The following ERBB4 variants were observed in gnomAD, a reference collection of about 807,000 sequenced individuals.
The protein encoded by ERBB4 is erb-b2 receptor tyrosine kinase 4.
In ERBB4, 42 loss-of-function variants were observed where a neutral mutation model predicts 158.0. The observed-to-expected ratio is 0.27, with a 90% confidence interval of 0.21 to 0.34. The LOEUF (loss-of-function observed/expected upper bound fraction) is 0.34, where lower values mean the gene tolerates loss of function less well. Ranked by LOEUF, ERBB4 falls within the 10% of genes least tolerant of loss-of-function variation. The pLI is 1.00. For synonymous variants in ERBB4, 583 were observed against 558.7 expected (o/e 1.04, Z -0.61); for missense variants, 1,333 against 1,624.1 (o/e 0.82, Z 3.08).
intron 2 of ERBB4, among the ~76,000 whole-genome samples, chr2:212,009,155 C>T (rs1210512084): frequency 6.6e-6 from 1 of 151,976 alleles, no homozygotes; most frequent in Non-Finnish European, 1.5e-5. Flanking sequence ...TGGTGTCCCC[C>T]AACCCCCCAA....
chr2:212,056,555 G>A (rs1292344800), intron 2 of ERBB4, among the ~76,000 whole-genome samples: 1 of 152,208 alleles, frequency 6.6e-6, no homozygotes, highest in African/African-American at 2.4e-5. Flanking sequence ...ATAAAGGGAA[G>A]CCCATCAGAC....
chr2:212,065,075 T>C (rs941520543), intron 2 of ERBB4, among the ~76,000 whole-genome samples: 1 of 151,182 alleles, frequency 6.6e-6, no homozygotes, highest in Non-Finnish European at 1.5e-5. Flanking sequence ...TGATAGAAGA[T>C]AGTTCACTCA....
rs550496121 is a variant in ERBB4, at chr2:211,664,339, G to GTGTGTC, written c.1871+983_1871+984insGACACA. On this transcript the variant is annotated intron_variant, in intron 15 of 27. Transcript: ENST00000342788. Reference sequence around the variant, plus strand: ...TTCTCAACTACAAATGTGTGTGTGTGTGTGTGTGTGTGTGTGTCTGTATGC... The same window carrying GTGTGTC: ...TTCTCAACTACAAATGTGTGTGTGTGTGTGTCTGTGTGTGTGTGTGTGTCTGTATGC... Among the ~76,000 whole-genome samples, 484 of 151,950 alleles carry GTGTGTC rather than the reference G, an allele frequency of 3.2e-3. 3 individuals carry two copies. The highest frequency in any genetic ancestry group is 0.011 in the African/African-American group (440 of 41,452).
chr2:212,224,174 A>G (rs2083396435), intron 1 of ERBB4, among the ~76,000 whole-genome samples: 1 of 151,936 alleles, frequency 6.6e-6, no homozygotes, highest in Admixed American at 6.6e-5. Flanking sequence ...TTTACACCAA[A>G]TAAAAAGCCA....
chr2:211,577,725 A>G (rs1486221398), intron 19 of ERBB4, among the ~76,000 whole-genome samples: 5 of 152,152 alleles, frequency 3.3e-5, no homozygotes, highest in Non-Finnish European at 2.9e-5. Context: ...TGATTATCTC[A>G]ATAGATGCAG....
At chr2:212,350,725 G>A (rs1337557021) in intron 1 of ERBB4, among the ~76,000 whole-genome samples, 3 of 151,914 alleles carry the variant, frequency 2.0e-5, no homozygotes, top group Non-Finnish European at 2.9e-5. Context: ...AATGACACAA[G>A]TTTTCAAGAA....
intron 3 of ERBB4, among the ~76,000 whole-genome samples, chr2:211,918,583 G>A (rs891257744): frequency 3.3e-5 from 5 of 152,212 alleles, no homozygotes; most frequent in East Asian, 1.9e-4. Context: ...CCACGTTTGC[G>A]GCAGTAGTCC....
At chr2:212,403,564 T>C (rs1425709610) in intron 1 of ERBB4, among the ~76,000 whole-genome samples, 1 of 151,946 alleles carries the variant, frequency 6.6e-6, no homozygotes, top group African/African-American at 2.4e-5. Flanking sequence ...AAAAAAGAAG[T>C]AAATCCTGCA....
At chr2:211,952,913 G>A (rs933189408) in intron 2 of ERBB4, among the ~76,000 whole-genome samples, 2 of 151,874 alleles carry the variant, frequency 1.3e-5, no homozygotes, top group African/African-American at 2.4e-5. Flanking sequence ...CATAAGAACT[G>A]TTGCTTTTAA....
intron 2 of ERBB4, among the ~76,000 whole-genome samples, chr2:211,995,047 T>G (rs1270739667): frequency 6.6e-6 from 1 of 152,140 alleles, no homozygotes; most frequent in Non-Finnish European, 1.5e-5. Flanking sequence ...GCATGCAACA[T>G]GGAACACAAC....
chr2:211,552,973 AT>A (rs34100604), intron 20 of ERBB4, among the ~76,000 whole-genome samples: 34,702 of 146,750 alleles, frequency 0.24, 4,022 homozygotes, highest in Non-Finnish European at 0.27. Flanking sequence ...CAAATAATAC[AT>A]TTTTTTTTTT....
chr2:212,498,203 C>T (rs1438741832), intron 1 of ERBB4, among the ~76,000 whole-genome samples: 1 of 151,784 alleles, frequency 6.6e-6, no homozygotes, highest in Non-Finnish European at 1.5e-5. Context: ...AACCCCTTCC[C>T]CAACTTCCTG....
intron 3 of ERBB4, among the ~76,000 whole-genome samples, chr2:211,898,017 G>T (rs2125024015): frequency 6.6e-6 from 1 of 151,890 alleles, no homozygotes; most frequent in South Asian, 2.1e-4. Context: ...TCCTGTCTTG[G>T]CCTTCCACAG....
intron 1 of ERBB4, among the ~76,000 whole-genome samples, chr2:212,278,400 G>A (rs1265366549): frequency 6.6e-6 from 1 of 151,594 alleles, no homozygotes; most frequent in Admixed American, 6.6e-5. Context: ...AATGGAGATG[G>A]ATGGGTAAAA....
intron 1 of ERBB4, among the ~76,000 whole-genome samples, chr2:212,266,247 T>C (rs2085132645): frequency 6.6e-6 from 1 of 151,954 alleles, no homozygotes; most frequent in African/African-American, 2.4e-5. Context: ...AATAATTTTT[T>C]TCTCAAATAT....
At chr2:211,529,876 C>T (rs1167051757) in intron 20 of ERBB4, among the ~76,000 whole-genome samples, 2 of 152,084 alleles carry the variant, frequency 1.3e-5, no homozygotes, top group Admixed American at 1.3e-4. Context: ...GACAGAGCTA[C>T]AGCTAGCATC....
Position 211,382,695 on chromosome 2 carries a change from C to T in ERBB4, c.*920G>A, listed in dbSNP as rs1223778228. 2.6e-5 allele frequency: 6 copies of T among 232,054 alleles called. No homozygotes were observed. Among genetic ancestry groups the T allele is most frequent in the East Asian group, 1.8e-4 (3 of 16,460 alleles). 14.4% of individuals were successfully genotyped at this position (232,054 alleles called of 1,614,324 possible). A position where few individuals can be genotyped will look rare whatever the true frequency, so the allele number is the denominator to read the frequency against. On this transcript the variant is annotated 3_prime_UTR_variant, in exon 28 of 28. Coordinates refer to ENST00000342788, the MANE Select transcript of ERBB4 (RefSeq NM_005235.3). ...TCCCTTCTACTCTTCAGACAACCAA[C>T]GGCCTATCAAGTAGTGTCATTTATG...
intron 1 of ERBB4, among the ~76,000 whole-genome samples, chr2:212,133,001 G>T (rs951079696): frequency 2.0e-5 from 3 of 151,940 alleles, no homozygotes; most frequent in African/African-American, 7.3e-5. Context: ...TACAACTATT[G>T]TATCTACAAC....
At chr2:211,857,498 CT>C (rs11349548) in intron 3 of ERBB4, among the ~76,000 whole-genome samples, 22,887 of 149,016 alleles carry the variant, frequency 0.15, 2,140 homozygotes, top group African/African-American at 0.27. Context: ...TTGAAAATTA[CT>C]TTTTTTTTTG....
Sources: gnomAD v4.1 joint callset for allele counts (sites outside exome capture counted in the v4.1 genomes callset) on GRCh38, gnomAD v4.1.1 for gene constraint, MANE v1.5 for transcripts, NCBI Gene and HGNC (gene_info 2026-07-23, HGNC 2026-07-21) for gene names.